Variants in PIK3C3 observed in about 807,000 individuals in gnomAD.
The protein encoded by PIK3C3 is phosphatidylinositol 3-kinase catalytic subunit type 3.
A neutral mutation model predicts 126.1 loss-of-function variants in PIK3C3; 95 were observed. That is an observed-to-expected ratio of 0.75 (90% CI 0.64 to 0.89). PIK3C3 has a LOEUF of 0.89. Ranked by LOEUF, PIK3C3 falls within the 40% of genes least tolerant of loss-of-function variation. PIK3C3 has a pLI of 0.00. For synonymous variants in PIK3C3, 374 were observed against 360.0 expected (o/e 1.04, Z -0.44); for missense variants, 829 against 1,063.2 (o/e 0.78, Z 3.06).
At chr18:42,012,470 A>C (rs1982873404) in intron 10 of PIK3C3, among the ~76,000 whole-genome samples, 1 of 152,202 alleles carries the variant, frequency 6.6e-6, no homozygotes, top group Non-Finnish European at 1.5e-5. Context: ...TATGAGTTTC[A>C]AGTGTCTAAC....
intron 4 of PIK3C3, chr18:41,971,240 T>A (rs1980650849): frequency 6.6e-6 from 1 of 151,414 alleles, no homozygotes; most frequent in South Asian, 2.1e-4. Context: ...TAATACATAC[T>A]TTTTTTTTGC....
At chr18:42,069,418 C>T (rs568212751) in intron 24 of PIK3C3, among the ~76,000 whole-genome samples, 6 of 152,226 alleles carry the variant, frequency 3.9e-5, no homozygotes, top group Non-Finnish European at 8.8e-5. Context: ...AAAACCAAGA[C>T]TTAAACCCAA....
intron 3 of PIK3C3, among the ~76,000 whole-genome samples, chr18:41,969,397 T>G (rs1980541347): frequency 6.6e-6 from 1 of 152,206 alleles, no homozygotes; most frequent in Non-Finnish European, 1.5e-5. Flanking sequence ...ACATGGGAAC[T>G]TGGCAGCAGC....
chr18:41,996,325 C>A (rs183821446), intron 8 of PIK3C3, among the ~76,000 whole-genome samples: 1 of 152,096 alleles, frequency 6.6e-6, no homozygotes, highest in East Asian at 1.9e-4. Context: ...TTATTGTGTG[C>A]ACATTTTTCC....
At chr18:42,047,810 A>G (rs1231724674) in intron 20 of PIK3C3, among the ~76,000 whole-genome samples, 2 of 152,186 alleles carry the variant, frequency 1.3e-5, no homozygotes, top group Admixed American at 1.3e-4. Context: ...CATATTTAAT[A>G]AGCTTTCAAG....
At chr18:42,001,447 T>C (rs1400820432) in intron 9 of PIK3C3, among the ~76,000 whole-genome samples, 1 of 152,196 alleles carries the variant, frequency 6.6e-6, no homozygotes, top group African/African-American at 2.4e-5. Context: ...AGAGAATTGC[T>C]CTTTACAATT....
intron 13 of PIK3C3, among the ~76,000 whole-genome samples, chr18:42,022,298 C>A (rs1411149587): frequency 2.6e-5 from 4 of 152,242 alleles, no homozygotes; most frequent in Non-Finnish European, 5.9e-5. Flanking sequence ...CCATCCCCAA[C>A]CCCATGACAT....
At chr18:41,993,206 A>G (rs1052341152) in intron 6 of PIK3C3, 64 bp from the exon 7 acceptor site, 4 of 923,092 alleles carry the variant, frequency 4.3e-6, no homozygotes, top group Non-Finnish European at 6.9e-6. Context: ...TGATGTGTAC[A>G]TCATATACTG....
intron 4 of PIK3C3, among the ~76,000 whole-genome samples, chr18:41,979,426 A>C (rs572502232): frequency 1.3e-5 from 2 of 152,270 alleles, no homozygotes; most frequent in East Asian, 3.9e-4. Flanking sequence ...AAGATCAGTC[A>C]ATGTTTTGGA....
chr18:42,012,105 A>ACAG (rs1982852107), intron 10 of PIK3C3, among the ~76,000 whole-genome samples: 1 of 152,104 alleles, frequency 6.6e-6, no homozygotes, highest in Non-Finnish European at 1.5e-5. Context: ...ACACAAAGAC[A>ACAG]TGGAGTGAAT....
chr18:42,011,118 G>GT (rs1408356739), intron 10 of PIK3C3, among the ~76,000 whole-genome samples: 2 of 152,116 alleles, frequency 1.3e-5, no homozygotes, highest in Admixed American at 1.3e-4. Flanking sequence ...TTGTTCTTCC[G>GT]TTTATAGAGC....
intron 10 of PIK3C3, among the ~76,000 whole-genome samples, chr18:42,011,220 C>T (rs1208035216): frequency 3.3e-5 from 5 of 152,170 alleles, no homozygotes; most frequent in East Asian, 1.9e-4. Flanking sequence ...TCACTGCCTA[C>T]GTTAGACCCT....
intron 4 of PIK3C3, among the ~76,000 whole-genome samples, chr18:41,980,614 G>A (rs754381865): frequency 5.3e-5 from 8 of 151,700 alleles, no homozygotes; most frequent in Non-Finnish European, 7.4e-5. Flanking sequence ...TCAGGAGTTC[G>A]AAGCCAGCCT....
intron 1 of PIK3C3, among the ~76,000 whole-genome samples, chr18:41,955,907 G>A (rs1979746956): frequency 6.6e-6 from 1 of 152,062 alleles, no homozygotes; most frequent in Non-Finnish European, 1.5e-5. Flanking sequence ...GAAGATGAGG[G>A]TTCCAGTTTC....
chr18:41,986,541 A>G (rs2144344860), intron 4 of PIK3C3, among the ~76,000 whole-genome samples: 1 of 152,222 alleles, frequency 6.6e-6, no homozygotes, highest in South Asian at 2.1e-4. Context: ...GAAAGGACAT[A>G]GTTTGAAAAT....
In PIK3C3 at chr18:41,955,300, A is replaced by G; in HGVS notation, c.9A>G (p.Glu3=). 6.2e-7 allele frequency: 1 copy of G among 1,613,302 alleles called. No homozygotes were observed. Among genetic ancestry groups the G allele is most frequent in the Non-Finnish European group, 8.5e-7 (1 of 1,179,528 alleles). Residue 3 remains glutamate (E), a synonymous_variant, in exon 1 of 25, where the codon GAA becomes GAG. Transcript: ENST00000262039. The part of the protein sequence containing the change: MG[E]AEKFHYIYSC... ...CCTTTGCAGACGGTGCGATGGGGGA[A>G]GCAGAGAAGTTTCACTACATCTATA...
At chr18:42,047,280 C>T (rs12455083) in intron 20 of PIK3C3, among the ~76,000 whole-genome samples, 34,187 of 152,056 alleles carry the variant, frequency 0.22, 4,343 homozygotes, top group South Asian at 0.4. Flanking sequence ...GTAGGAATTT[C>T]GCTTGTCTTC....
chr18:42,017,284 C>T (rs117442809), intron 12 of PIK3C3, among the ~76,000 whole-genome samples: 13 of 152,192 alleles, frequency 8.5e-5, no homozygotes, highest in Non-Finnish European at 1.6e-4. Flanking sequence ...TATCTTATGT[C>T]CTTCCTCGTT....
chr18:42,005,895 GTAACA>G (rs1305994318), intron 10 of PIK3C3, among the ~76,000 whole-genome samples: 2 of 151,002 alleles, frequency 1.3e-5, no homozygotes, highest in Non-Finnish European at 2.9e-5. Flanking sequence ...TGTTTCATCT[GTAACA>G]CTGCTCAGTC....
Sources: allele counts gnomAD v4.1 joint callset (sites outside exome capture counted in the v4.1 genomes callset), GRCh38; gene constraint gnomAD v4.1.1; transcripts MANE v1.5; gene names NCBI Gene and HGNC (gene_info 2026-07-23, HGNC 2026-07-21).